SWT1: variants seen among roughly 807,000 people sequenced by gnomAD.
SWT1 encodes transcriptional protein SWT1.
SWT1 carries 33 observed loss-of-function variants against 107.3 expected under a neutral mutation model. The observed-to-expected ratio is 0.31, with a 90% CI of 0.23 to 0.41. The LOEUF (loss-of-function observed/expected upper bound fraction) is 0.41. Among genes scored for constraint, SWT1 ranks in the 10% least tolerant of loss-of-function variants. The pLI is 1.00. For missense variants in SWT1, 898 were observed against 1,028.9 expected (o/e 0.87, Z 1.74); for synonymous variants, 345 against 348.3 (o/e 0.99, Z 0.11).
At chr1:185,209,197 C>T (rs1329690686) in intron 13 of SWT1, among the ~76,000 whole-genome samples, 1 of 151,976 alleles carries the variant, frequency 6.6e-6, no homozygotes, top group Admixed American at 6.6e-5. Context: ...TCCCCTCCTT[C>T]GTGCTATCCT....
chr1:185,260,829 C>G (rs779697744), intron 16 of SWT1, among the ~76,000 whole-genome samples: 14 of 151,832 alleles, frequency 9.2e-5, no homozygotes, highest in Non-Finnish European at 1.6e-4. Flanking sequence ...ATATAAATAC[C>G]AGAGCAAAAG....
At chr1:185,282,407 C>T (rs970521920) in intron 18 of SWT1, among the ~76,000 whole-genome samples, 5 of 151,472 alleles carry the variant, frequency 3.3e-5, no homozygotes, top group African/African-American at 7.3e-5. Flanking sequence ...CTACCAGGTT[C>T]AGAGAGCTTC....
chr1:185,281,934 C>T (rs1482167101), intron 18 of SWT1: 1 of 152,260 alleles, frequency 6.6e-6, no homozygotes, highest in African/African-American at 2.4e-5. Context: ...TGACAACCCT[C>T]TGCTTCTGGC....
chr1:185,159,696 C>CAT lies in SWT1; in HGVS notation c.-9-1128_-9-1127dup, dbSNP rs199781097. On this transcript the variant is annotated intron_variant, in intron 1 of 18. Transcript: ENST00000367500. ...CCAACCTATGCAAGATGTATATGTACATATATATATGTATTTTAATATTTT... is the reference window on the plus strand; with the variant it reads ...CCAACCTATGCAAGATGTATATGTACATATATATATATGTATTTTAATATTTT... 3.9e-3 allele frequency among the ~76,000 whole-genome samples: 593 copies of CAT among 151,978 alleles called. 17 individuals carry two copies. Among genetic ancestry groups the CAT allele is most frequent in the Admixed American group, 0.032 (485 of 15,242 alleles).
intron 14 of SWT1, among the ~76,000 whole-genome samples, chr1:185,216,299 G>A (rs1236147818): frequency 2.0e-5 from 3 of 152,004 alleles, no homozygotes; most frequent in Non-Finnish European, 4.4e-5. Flanking sequence ...GAAAAAATGG[G>A]CCTAGGGATT....
At chr1:185,182,203 T>A in intron 7 of SWT1, 146 bp downstream of exon 7, 1 of 763,762 alleles carries the variant, frequency 1.3e-6, no homozygotes, top group Non-Finnish European at 2.0e-6. Context: ...ATTTTTTAGG[T>A]ACAGGAATTA....
At position 185,202,604 on chromosome 1, in the gene SWT1, T is replaced by A. The variant is rs759498018; in HGVS notation, c.1524-50T>A. 20 of 1,541,504 alleles carry A rather than the reference T, an allele frequency of 1.3e-5. No individual in the cohort carries two copies. In the African/African-American group the frequency reaches 1.8e-4, roughly 14 times the overall value. The stretch of plus-strand genomic sequence containing the variant: ...ATGTGTTTTGATTTGCCATGTGGTT[T>A]ACCTTATAAAAAATATTTTTTCCTC... On this transcript the variant is annotated intron_variant, in intron 10 of 18. Coordinates refer to ENST00000367500, the MANE Select transcript of SWT1 (RefSeq NM_017673.7).
Position 185,291,042 on chromosome 1 carries a change from T to C in SWT1, c.*239T>C. The C allele has an allele frequency of 4.1e-6, 1 of 246,382 alleles. No individual in the cohort carries two copies. Among genetic ancestry groups the C allele is most frequent in the Non-Finnish European group, 7.8e-6 (1 of 128,258 alleles). The allele number at this position is 246,382 out of a possible 1,614,324, so 15.3% of individuals were successfully genotyped here. ...GGAGTTCACAATGCCTCCCTACCTC[T>C]ATTCTTGATAGTGAGCCAGTATCTC... On this transcript the variant is annotated 3_prime_UTR_variant, in exon 19 of 19. Transcript: ENST00000367500.
chr1:185,170,044 T>C (rs1654914585), intron 4 of SWT1, among the ~76,000 whole-genome samples: 1 of 152,160 alleles, frequency 6.6e-6, no homozygotes, highest in South Asian at 2.1e-4. Flanking sequence ...TTACCATAAG[T>C]GAAATTGCAA....
intron 13 of SWT1, among the ~76,000 whole-genome samples, chr1:185,210,887 C>T (rs570884443): frequency 6.6e-6 from 1 of 152,210 alleles, no homozygotes; most frequent in African/African-American, 2.4e-5. Context: ...CACAAGCATT[C>T]CAATAAACCA....
intron 16 of SWT1, among the ~76,000 whole-genome samples, chr1:185,245,091 T>A (rs1000343321): frequency 1.3e-5 from 2 of 152,122 alleles, no homozygotes; most frequent in Non-Finnish European, 2.9e-5. Context: ...CTAAGAACGA[T>A]TTTTTATATT....
intron 17 of SWT1, among the ~76,000 whole-genome samples, chr1:185,274,755 A>T (rs148724134): frequency 2.6e-5 from 4 of 152,082 alleles, no homozygotes; most frequent in Non-Finnish European, 4.4e-5. Context: ...TGTTTTAGCT[A>T]TTTTTTTCCC....
At chr1:185,198,902 T>A (rs569783763) in intron 10 of SWT1, among the ~76,000 whole-genome samples, 6 of 152,056 alleles carry the variant, frequency 3.9e-5, no homozygotes, top group Non-Finnish European at 7.4e-5. Context: ...AATTTGCTAG[T>A]CTGTGTCTTT....
At chr1:185,282,520 A>G (rs1173770653) in intron 18 of SWT1, among the ~76,000 whole-genome samples, 1 of 152,158 alleles carries the variant, frequency 6.6e-6, no homozygotes, top group South Asian at 2.1e-4. Flanking sequence ...CAAGTATTTT[A>G]TAAAAAATGA....
Position 185,198,420 on chromosome 1 carries a change from G to A in SWT1, c.1524-4234G>A, listed in dbSNP as rs1657584322. Reference sequence around the variant, plus strand: ...AGAAGAATGTATATTCTGTTGATTTGGGGTGGAGAGTTCTGTCTCTTAGGT... The same window carrying A: ...AGAAGAATGTATATTCTGTTGATTTAGGGTGGAGAGTTCTGTCTCTTAGGT... On this transcript the variant is annotated intron_variant, in intron 10 of 18. Coordinates refer to ENST00000367500, the MANE Select transcript of SWT1 (RefSeq NM_017673.7). 4.6e-5 allele frequency among the ~76,000 whole-genome samples: 7 copies of A among 152,318 alleles called. No individual in the cohort carries two copies. In the South Asian group the frequency reaches 1.5e-3, roughly 32 times the overall value.
At chr1:185,160,094 A>G (rs886593488) in intron 1 of SWT1, among the ~76,000 whole-genome samples, 1 of 152,224 alleles carries the variant, frequency 6.6e-6, no homozygotes, top group Non-Finnish European at 1.5e-5. Context: ...TTTACAAGTA[A>G]TGACACAAAG....
At position 185,170,519 on chromosome 1, in the gene SWT1, A is replaced by G. The variant is rs148333752; in HGVS notation, c.224+2121A>G. On this transcript the variant is annotated intron_variant, in intron 4 of 18. Coordinates refer to ENST00000367500, the MANE Select transcript of SWT1 (RefSeq NM_017673.7). ...CAGTGACTTCTTCGTGCCCCCATTC[A>G]GGAGAGCCTCCAGAGCTCTCGGCAC... Among the ~76,000 whole-genome samples the G allele has an allele frequency of 3.3e-5, 5 of 152,294 alleles. No homozygotes were observed. The East Asian group carries it at 9.7e-4, about 29-fold the overall frequency.
intron 13 of SWT1, among the ~76,000 whole-genome samples, chr1:185,208,070 G>T (rs1219169416): frequency 1.3e-5 from 2 of 152,032 alleles, no homozygotes; most frequent in African/African-American, 4.8e-5. Context: ...CTAACAACCT[G>T]AGTACAAGAG....
At chr1:185,218,345 G>A (rs1472773318) in intron 14 of SWT1, among the ~76,000 whole-genome samples, 1 of 152,086 alleles carries the variant, frequency 6.6e-6, no homozygotes, top group Admixed American at 6.6e-5. Context: ...TCGCTTTGTA[G>A]CCCAGACCTG....
Sources: allele counts gnomAD v4.1 joint callset (sites outside exome capture counted in the v4.1 genomes callset), GRCh38; gene constraint gnomAD v4.1.1; transcripts MANE v1.5; gene names NCBI Gene and HGNC (gene_info 2026-07-23, HGNC 2026-07-21).